KCNQ1OT1: variants seen among roughly 807,000 people sequenced by gnomAD.
KCNQ1OT1 encodes the protein KCNQ1 antisense RNA 2 (non-protein coding).
Position 2,673,001 on chromosome 11 carries a change from T to C in KCNQ1OT1, n.26994A>G, listed in dbSNP as rs1850214289. On this transcript the variant is annotated non_coding_transcript_exon_variant, in exon 1 of 1. Coordinates refer to ENST00000597346, the Ensembl canonical transcript of KCNQ1OT1. The surrounding 1 kb of genome is among the most constrained non-coding windows in gnomAD (Gnocchi z 4.5). Reference sequence around the variant, plus strand: ...AGGCCTTGCCTAAAGGAGAAGCCAGTGAATCAATGTGTTACTTGAACAAAT... The same window carrying C: ...AGGCCTTGCCTAAAGGAGAAGCCAGCGAATCAATGTGTTACTTGAACAAAT... The C allele has an allele frequency of 2.5e-6, 1 of 398,600 alleles. No homozygotes were observed. The highest frequency in any genetic ancestry group is 4.4e-6 in the Non-Finnish European group (1 of 226,094). The allele number at this position is 398,600 out of a possible 1,614,324, so 24.7% of individuals were successfully genotyped here. A position where few individuals can be genotyped will look rare whatever the true frequency, so the allele number is the denominator to read the frequency against.
exon 1 of KCNQ1OT1, chr11:2,618,097 A>G: frequency 2.5e-6 from 1 of 398,532 alleles, no homozygotes; most frequent in Non-Finnish European, 4.4e-6. Context: ...CCAAAAAATC[A>G]CTGCCAGAGC....
chr11:2,614,955 G>T (rs1188715687), exon 1 of KCNQ1OT1: 3 of 398,224 alleles, frequency 7.5e-6, no homozygotes, highest in East Asian at 3.6e-5. Context: ...TTTGATAAGG[G>T]TTGCATTGAA....
exon 1 of KCNQ1OT1, chr11:2,699,989 C>A: frequency 2.5e-6 from 1 of 398,286 alleles, no homozygotes; most frequent in East Asian, 3.6e-5. Context: ...ACGCGGCGAC[C>A]GTTCTGCCTG....
rs2133865135 is a variant in KCNQ1OT1 at position 2,668,204 on chromosome 11, CA to C, written n.31790del. On this transcript the variant is annotated non_coding_transcript_exon_variant, in exon 1 of 1. Transcript: ENST00000597346. The surrounding 1 kb of genome is among the most constrained non-coding windows in gnomAD (Gnocchi z 4.3). ...GCTCCATTGTGTGCATGGCCTACAT[CA>C]TTCATCCATTCTACCACCTGTGGCC... is the stretch of plus-strand genomic sequence containing the variant. 2 of 398,666 alleles carry C rather than the reference CA, an allele frequency of 5.0e-6. No homozygotes were observed. Among genetic ancestry groups the C allele is most frequent in the East Asian group, 7.1e-5 (2 of 28,076 alleles). 24.7% of individuals were successfully genotyped at this position (398,666 alleles called of 1,614,324 possible). A position where few individuals can be genotyped will look rare whatever the true frequency, so the allele number is the denominator to read the frequency against.
exon 1 of KCNQ1OT1, chr11:2,681,503 A>G: frequency 2.5e-6 from 1 of 398,508 alleles, no homozygotes; most frequent in Non-Finnish European, 4.4e-6. Context: ...TAGTAAAGTC[A>G]AACTGGTCCA....
In KCNQ1OT1 at chr11:2,670,361, T is replaced by C. The variant is rs1271175391; in HGVS notation, n.29634A>G. 1 of 398,400 alleles carries C rather than the reference T, an allele frequency of 2.5e-6. No individual in the cohort carries two copies. Among genetic ancestry groups the C allele is most frequent in the Non-Finnish European group, 4.4e-6 (1 of 226,062 alleles). 24.7% of individuals were successfully genotyped at this position (398,400 alleles called of 1,614,324 possible). The stretch of plus-strand genomic sequence containing the variant: ...GACTCAGTGGCTTTCAGATGGTTAG[T>C]ATAGGCTGAAATTCCAAGAGCATTA... On this transcript the variant is annotated non_coding_transcript_exon_variant, in exon 1 of 1. Coordinates refer to ENST00000597346, the Ensembl canonical transcript of KCNQ1OT1. This position sits in a 1 kb window ranked among gnomAD's most constrained non-coding sequence, Gnocchi z 4.9.
At chr11:2,619,801 T>C (rs1023948231) in exon 1 of KCNQ1OT1, 1 of 398,546 alleles carries the variant, frequency 2.5e-6, no homozygotes, top group South Asian at 1.3e-4. Flanking sequence ...TGGGTAGTAT[T>C]CAGTCATGAA....
chr11:2,655,971 T>C (rs1220267177), exon 1 of KCNQ1OT1: 9 of 398,602 alleles, frequency 2.3e-5, no homozygotes, highest in Admixed American at 4.4e-5. Context: ...CCACCCACTC[T>C]GGGCAGCCAA....
exon 1 of KCNQ1OT1, chr11:2,618,753 A>C (rs1296361128): frequency 7.5e-6 from 3 of 398,384 alleles, no homozygotes; most frequent in Non-Finnish European, 1.3e-5. Flanking sequence ...GATTTTATTC[A>C]ATCTGTATAT....
rs1321649662 is a variant in KCNQ1OT1 at position 2,620,902 on chromosome 11, C to T, written n.79093G>A. ...TGCCATTCTGACTGGTGTGAGATGG[C>T]ATCCCATTATGGTTTGGTGTTTTTT... On this transcript the variant is annotated non_coding_transcript_exon_variant, in exon 1 of 1. Transcript: ENST00000597346. This position sits in a 1 kb window ranked among gnomAD's most constrained non-coding sequence, Gnocchi z 4.5. 7.6e-6 allele frequency: 3 copies of T among 396,934 alleles called. No individual in the cohort carries two copies. The highest frequency in any genetic ancestry group is 1.3e-5 in the Non-Finnish European group (3 of 225,796). 24.6% of individuals were successfully genotyped at this position (396,934 alleles called of 1,614,324 possible).
chr11:2,664,091 A>T lies in KCNQ1OT1; in HGVS notation n.35904T>A. ...ATAAGTGGGCCCAGGCAGGTCAGAG[A>T]CTCCAGTCATTACCCAACCAGGTCC... On this transcript the variant is annotated non_coding_transcript_exon_variant, in exon 1 of 1. Transcript: ENST00000597346. This position sits in a 1 kb window ranked among gnomAD's most constrained non-coding sequence, Gnocchi z 5.1. The T allele has an allele frequency of 2.5e-6, 1 of 398,166 alleles. No homozygotes were observed. The highest frequency in any genetic ancestry group is 4.4e-6 in the Non-Finnish European group (1 of 226,026). 24.7% of individuals were successfully genotyped at this position (398,166 alleles called of 1,614,324 possible). A position where few individuals can be genotyped will look rare whatever the true frequency, so the allele number is the denominator to read the frequency against.
At position 2,612,144 on chromosome 11, in the gene KCNQ1OT1, A is replaced by G. The variant is rs1488331793; in HGVS notation, n.87851T>C. The G allele has an allele frequency of 2.5e-6, 1 of 398,662 alleles. No individual in the cohort carries two copies. The allele number at this position is 398,662 out of a possible 1,614,324, so 24.7% of individuals were successfully genotyped here. On this transcript the variant is annotated non_coding_transcript_exon_variant, in exon 1 of 1. Transcript: ENST00000597346. This position sits in a 1 kb window ranked among gnomAD's most constrained non-coding sequence, Gnocchi z 5.5. ...ATGGACTGGTACCAGTCTGTGGCCT[A>G]TTAGAAACTGGGCTACACAGCAGGA...
In KCNQ1OT1 at chr11:2,676,539, T is replaced by C. The variant is rs1850298141; in HGVS notation, n.23456A>G. 5.0e-6 allele frequency: 2 copies of C among 398,524 alleles called. No individual in the cohort carries two copies. The highest frequency in any genetic ancestry group is 4.4e-5 in the Admixed American group (1 of 22,718). 24.7% of individuals were successfully genotyped at this position (398,524 alleles called of 1,614,324 possible). A position where few individuals can be genotyped will look rare whatever the true frequency, so the allele number is the denominator to read the frequency against. ...TTGGCAAAAGGCATAGAGGTAGTGG[T>C]ACAGGAAAGGTCTAAGAAGGCTAAG... On this transcript the variant is annotated non_coding_transcript_exon_variant, in exon 1 of 1. Transcript: ENST00000597346. This position sits in a 1 kb window ranked among gnomAD's most constrained non-coding sequence, Gnocchi z 4.2.
chr11:2,623,520 G>C lies in KCNQ1OT1; in HGVS notation n.76475C>G. 1 of 398,482 alleles carries C rather than the reference G, an allele frequency of 2.5e-6. No individual in the cohort carries two copies. 24.7% of individuals were successfully genotyped at this position (398,482 alleles called of 1,614,324 possible). A position where few individuals can be genotyped will look rare whatever the true frequency, so the allele number is the denominator to read the frequency against. On this transcript the variant is annotated non_coding_transcript_exon_variant, in exon 1 of 1. Coordinates refer to ENST00000597346, the Ensembl canonical transcript of KCNQ1OT1. This position sits in a 1 kb window ranked among gnomAD's most constrained non-coding sequence, Gnocchi z 5.2. ...AATGCAATATGATTGGAATCATACA[G>C]TATGTAGTTTCTTCAGATTGCCTTA...
chr11:2,664,363 A>C lies in KCNQ1OT1; in HGVS notation n.35632T>G, dbSNP rs529386046. 3 of 398,780 alleles carry C rather than the reference A, an allele frequency of 7.5e-6. No individual in the cohort carries two copies. The East Asian group carries it at 1.1e-4, about 14-fold the overall frequency. 24.7% of individuals were successfully genotyped at this position (398,780 alleles called of 1,614,324 possible). A position where few individuals can be genotyped will look rare whatever the true frequency, so the allele number is the denominator to read the frequency against. ...GGGAGCTGGGTTCCTGCATCCTCAG[A>C]AGTCAGGGTACGGTCCCTCCAGAGA... On this transcript the variant is annotated non_coding_transcript_exon_variant, in exon 1 of 1. Transcript: ENST00000597346. This position sits in a 1 kb window ranked among gnomAD's most constrained non-coding sequence, Gnocchi z 5.1.
rs1010556700 is a variant in KCNQ1OT1, at chr11:2,679,891, T to A, written n.20104A>T. 17 of 398,198 alleles carry A rather than the reference T, an allele frequency of 4.3e-5. No homozygotes were observed. The highest frequency in any genetic ancestry group is 2.9e-4 in the African/African-American group (14 of 48,580). The allele number at this position is 398,198 out of a possible 1,614,324, so 24.7% of individuals were successfully genotyped here. A position where few individuals can be genotyped will look rare whatever the true frequency, so the allele number is the denominator to read the frequency against. On this transcript the variant is annotated non_coding_transcript_exon_variant, in exon 1 of 1. Transcript: ENST00000597346. This position sits in a 1 kb window ranked among gnomAD's most constrained non-coding sequence, Gnocchi z 4.8. ...ACTTAGAACTAGCACGCCTAATTTT[T>A]TTTTTATTTTTATTTTTTTTGAGGC...
rs1390723177 is a variant in KCNQ1OT1 at position 2,658,805 on chromosome 11, C to A, written n.41190G>T. 1.0e-5 allele frequency: 4 copies of A among 398,488 alleles called. No individual in the cohort carries two copies. The highest frequency in any genetic ancestry group is 4.1e-5 in the African/African-American group (2 of 48,614). 24.7% of individuals were successfully genotyped at this position (398,488 alleles called of 1,614,324 possible). The stretch of plus-strand genomic sequence containing the variant: ...CAGAGTTCATCCTTGCCCCCTCCCC[C>A]ACAACTTATTTATAGCTTTTTCTCT... On this transcript the variant is annotated non_coding_transcript_exon_variant, in exon 1 of 1. Transcript: ENST00000597346. This position sits in a 1 kb window ranked among gnomAD's most constrained non-coding sequence, Gnocchi z 4.9.
exon 1 of KCNQ1OT1, chr11:2,655,712 A>G: frequency 1.5e-5 from 1 of 66,960 alleles, no homozygotes; most frequent in Non-Finnish European, 2.8e-5. Flanking sequence ...ATGCTCTCCT[A>G]GATGCCTGAC....
At chr11:2,667,702 G>T (rs921820345) in exon 1 of KCNQ1OT1, 2 of 398,800 alleles carry the variant, frequency 5.0e-6, no homozygotes, top group East Asian at 3.6e-5. Flanking sequence ...GACCTAGTCA[G>T]GAAGTCTGGA....
Sources: gnomAD v4.1 joint callset for allele counts on GRCh38, gnomAD v4.1.1 for gene constraint, Gnocchi (gnomAD v3.1) non-coding constraint, MANE v1.5 for transcripts, NCBI Gene and HGNC (gene_info 2026-07-23, HGNC 2026-07-21) for gene names.